PRDM5: variants seen among roughly 807,000 people sequenced by gnomAD.
PRDM5 encodes PR domain zinc finger protein 5.
In PRDM5, 56 loss-of-function variants were observed where a neutral mutation model predicts 81.2. The observed-to-expected ratio is 0.69, with a 90% CI of 0.56 to 0.86. The LOEUF is 0.86. Ranked by LOEUF, PRDM5 falls within the 40% of genes least tolerant of loss-of-function variation. The probability of loss-of-function intolerance (pLI) is 0.00; values close to 1 mark genes in which losing one functional copy is unlikely to be tolerated. For synonymous variants in PRDM5, 267 were observed against 256.4 expected (o/e 1.04, Z -0.39); for missense variants, 697 against 770.1 (o/e 0.91, Z 1.12).
chr4:120,908,994 G>A (rs1036604447), intron 1 of PRDM5, among the ~76,000 whole-genome samples: 1 of 152,158 alleles, frequency 6.6e-6, no homozygotes. Flanking sequence ...TTTGATGGCA[G>A]GTAGGAAAAG....
intron 10 of PRDM5, among the ~76,000 whole-genome samples, chr4:120,787,506 A>T (rs1749929197): frequency 6.6e-6 from 1 of 152,228 alleles, no homozygotes; most frequent in Non-Finnish European, 1.5e-5. Context: ...GGGAAAACAC[A>T]AAGTGGAGAA....
intron 3 of PRDM5, among the ~76,000 whole-genome samples, chr4:120,834,363 G>A (rs1466529097): frequency 1.3e-5 from 2 of 152,026 alleles, no homozygotes; most frequent in Admixed American, 6.6e-5. Context: ...TTATAAAATG[G>A]GCCCTAGAGA....
chr4:120,795,588 CAAAAA>C (rs199790541), intron 10 of PRDM5, among the ~76,000 whole-genome samples: 9 of 111,404 alleles, frequency 8.1e-5, no homozygotes, highest in African/African-American at 7.6e-5. Context: ...ACTAAATTTT[CAAAAA>C]AAAAAAAAAA....
At chr4:120,780,819 GAA>G (rs1240297852) in intron 12 of PRDM5, among the ~76,000 whole-genome samples, 1 of 151,978 alleles carries the variant, frequency 6.6e-6, no homozygotes, top group Non-Finnish European at 1.5e-5. Context: ...TTCTTAGAAA[GAA>G]ACAGCCTACA....
chr4:120,753,062 A>C (rs780887100), intron 14 of PRDM5, among the ~76,000 whole-genome samples: 3 of 152,204 alleles, frequency 2.0e-5, no homozygotes, highest in Non-Finnish European at 4.4e-5. Context: ...CTGTGTTGTA[A>C]TCATGTCTAT....
downstream of PRDM5, among the ~76,000 whole-genome samples, chr4:120,687,735 G>A (rs2148976008): frequency 6.6e-6 from 1 of 152,248 alleles, no homozygotes; most frequent in South Asian, 2.1e-4. Flanking sequence ...TAGGTCATGA[G>A]CGCTCTGCCC....
chr4:120,872,880 G>C (rs1416778807), intron 2 of PRDM5, among the ~76,000 whole-genome samples: 1 of 152,222 alleles, frequency 6.6e-6, no homozygotes, highest in Non-Finnish European at 1.5e-5. Flanking sequence ...CTGCAAGATA[G>C]AAAAGTTCTG....
chr4:120,684,839 AGAATATTACATT>A (rs1482839902), downstream of PRDM5: 2 of 151,998 alleles, frequency 1.3e-5, no homozygotes, highest in Non-Finnish European at 1.5e-5. Context: ...ATATTCTCAA[AGAATATTACATT>A]GAATATTACA....
intron 2 of PRDM5, among the ~76,000 whole-genome samples, chr4:120,893,977 T>C (rs1172298952): frequency 6.6e-6 from 1 of 152,228 alleles, no homozygotes; most frequent in Non-Finnish European, 1.5e-5. Context: ...GTCCAATTCA[T>C]TAATAGTATA....
chr4:120,834,451 A>C (rs1233509689), intron 3 of PRDM5, among the ~76,000 whole-genome samples: 1 of 152,140 alleles, frequency 6.6e-6, no homozygotes, highest in Non-Finnish European at 1.5e-5. Context: ...GGCCCTCGTC[A>C]GACAACTGAA....
At position 120,901,995 on chromosome 4, in the gene PRDM5, T is replaced by C. The variant is rs147075421; in HGVS notation, c.177+5479A>G. The stretch of plus-strand genomic sequence containing the variant: ...AGACCTTGTGATCTTGGAGCAGTTG[T>C]AAAGTTCAAGAATGAATGACTCCAC... On this transcript the variant is annotated intron_variant, in intron 2 of 15. Coordinates refer to ENST00000264808, the MANE Select transcript of PRDM5 (RefSeq NM_018699.4). Among the ~76,000 whole-genome samples the C allele has an allele frequency of 7.0e-4, 107 of 152,344 alleles. 1 individual carries two copies. The East Asian group carries it at 0.02, about 29-fold the overall frequency.
chr4:120,754,823 TC>T (rs1250127748), intron 13 of PRDM5, among the ~76,000 whole-genome samples, 185 bp from the exon 14 acceptor site: 1 of 152,150 alleles, frequency 6.6e-6, no homozygotes, highest in Non-Finnish European at 1.5e-5. Flanking sequence ...GACTGTGGCC[TC>T]CCCTCCTGTG....
intron 3 of PRDM5, among the ~76,000 whole-genome samples, chr4:120,829,166 G>C (rs573505931): frequency 1.9e-4 from 29 of 152,184 alleles, no homozygotes; most frequent in Non-Finnish European, 2.1e-4. Flanking sequence ...TTGTAAGGTT[G>C]AGAGGCCCAT....
chr4:120,748,270 G>C (rs1018618418), intron 14 of PRDM5, among the ~76,000 whole-genome samples: 12 of 152,116 alleles, frequency 7.9e-5, no homozygotes, highest in African/African-American at 2.9e-4. Context: ...CAGCATACCT[G>C]GGGTACCCCC....
chr4:120,820,495 C>T (rs1755114935), intron 4 of PRDM5, among the ~76,000 whole-genome samples: 2 of 152,172 alleles, frequency 1.3e-5, no homozygotes, highest in African/African-American at 4.8e-5. Flanking sequence ...GAGTAAAACA[C>T]AACATAATAG....
At chr4:120,778,352 G>T (rs1282748680) in intron 12 of PRDM5, among the ~76,000 whole-genome samples, 1 of 151,890 alleles carries the variant, frequency 6.6e-6, no homozygotes, top group Admixed American at 6.6e-5. Flanking sequence ...ATAGAAAAAG[G>T]TTTTTTTAAA....
intron 8 of PRDM5, among the ~76,000 whole-genome samples, chr4:120,807,298 C>T (rs1474014301): frequency 6.6e-6 from 1 of 152,208 alleles, no homozygotes; most frequent in African/African-American, 2.4e-5. Context: ...GTAGTGATTC[C>T]TCCGGGAGCT....
chr4:120,817,524 G>GAGAAGAC, intron 5 of PRDM5, among the ~76,000 whole-genome samples: 1 of 151,650 alleles, frequency 6.6e-6, no homozygotes, highest in East Asian at 1.9e-4. Context: ...TAAGAGAAGA[G>GAGAAGAC]ATATGTTGAT....
intron 2 of PRDM5, among the ~76,000 whole-genome samples, chr4:120,900,582 G>C (rs1302028458): frequency 6.6e-6 from 1 of 152,142 alleles, no homozygotes; most frequent in Non-Finnish European, 1.5e-5. Flanking sequence ...AAGTGAAGAG[G>C]GGAGTCAAGG....
Sources: gnomAD v4.1 joint callset for allele counts (sites outside exome capture counted in the v4.1 genomes callset) on GRCh38, gnomAD v4.1.1 for gene constraint, MANE v1.5 for transcripts, NCBI Gene and HGNC (gene_info 2026-07-23, HGNC 2026-07-21) for gene names.